Variants in ZFHX3 observed in about 807,000 individuals in gnomAD.
The protein encoded by ZFHX3 is zinc finger homeobox 3, also known as zinc finger homeobox protein 3.
Under a neutral mutation model 279.1 loss-of-function variants are expected in ZFHX3, and 42 were observed. The observed-to-expected ratio is 0.15, with a 90% CI of 0.12 to 0.19. The LOEUF (loss-of-function observed/expected upper bound fraction) is 0.19, where lower values mean the gene tolerates loss of function less well. Ranked by LOEUF, ZFHX3 falls within the 10% of genes least tolerant of loss-of-function variation. ZFHX3 has a pLI of 1.00. For synonymous variants in ZFHX3, 2,293 were observed against 1,957.8 expected, an observed-to-expected ratio of 1.17 and a Z score of -4.52; for missense variants, 4,981 against 4,754.0, an observed-to-expected ratio of 1.05 and a Z score of -1.40.
intron 1 of ZFHX3, among the ~76,000 whole-genome samples, chr16:73,783,051 G>T (rs540732308): frequency 6.6e-6 from 1 of 152,204 alleles, no homozygotes; most frequent in East Asian, 1.9e-4. Flanking sequence ...AGAGAGGGGG[G>T]CACTGAAATG....
At chr16:73,061,757 A>G (rs1965687325), upstream of ZFHX3, 1 of 152,168 alleles carries the variant, frequency 6.6e-6, no homozygotes, top group Non-Finnish European at 1.5e-5. Flanking sequence ...TCCTCTTTGT[A>G]GATCTTGAAA....
intron 3 of ZFHX3, among the ~76,000 whole-genome samples, chr16:73,404,677 GC>G (rs1387568506): frequency 6.6e-6 from 1 of 152,028 alleles, no homozygotes; most frequent in Non-Finnish European, 1.5e-5. Flanking sequence ...ACAGAAAAAG[GC>G]AAGTACTATT....
intron 1 of ZFHX3, among the ~76,000 whole-genome samples, chr16:73,771,530 C>A (rs957999818): frequency 2.6e-5 from 4 of 152,144 alleles, no homozygotes; most frequent in African/African-American, 4.8e-5. Context: ...GGAGAAATAC[C>A]ATGCTGAGGT....
At chr16:73,085,464 T>G (rs533854885) in intron 8 of ZFHX3, among the ~76,000 whole-genome samples, 1 of 152,146 alleles carries the variant, frequency 6.6e-6, no homozygotes, top group African/African-American at 2.4e-5. Flanking sequence ...CAGGCTGGTC[T>G]TGAATTCCTG....
intron 5 of ZFHX3, among the ~76,000 whole-genome samples, chr16:73,189,438 C>T (rs988946953): frequency 6.6e-6 from 1 of 152,194 alleles, no homozygotes; most frequent in Admixed American, 6.5e-5. Flanking sequence ...AAATGTACTA[C>T]AGGGAACGAG....
At chr16:73,543,581 TGA>T (rs748613775) in intron 2 of ZFHX3, among the ~76,000 whole-genome samples, 4 of 152,192 alleles carry the variant, frequency 2.6e-5, no homozygotes, top group Non-Finnish European at 5.9e-5. Flanking sequence ...AGCTGGCTGA[TGA>T]GAAAGTCAAG....
upstream of ZFHX3, among the ~76,000 whole-genome samples, chr16:73,052,819 A>G (rs1965475117): frequency 6.6e-6 from 1 of 152,182 alleles, no homozygotes; most frequent in Admixed American, 6.5e-5. Context: ...TAACCATGAG[A>G]AGGCCATCTA....
At chr16:72,897,422 C>T (rs753488236) in intron 3 of ZFHX3, among the ~76,000 whole-genome samples, 11 of 152,008 alleles carry the variant, frequency 7.2e-5, no homozygotes, top group South Asian at 2.1e-4. Context: ...ACTGTGGGTG[C>T]GGCATCTACA....
At chr16:73,777,734 C>A (rs1959306050) in intron 1 of ZFHX3, among the ~76,000 whole-genome samples, 1 of 152,134 alleles carries the variant, frequency 6.6e-6, no homozygotes, top group East Asian at 1.9e-4. Flanking sequence ...CTCATCTAAT[C>A]CTCACACTTG....
Position 73,260,695 on chromosome 16 carries a change from T to G in ZFHX3, c.-1193-3559A>C, listed in dbSNP as rs1423385886. Reference sequence around the variant, plus strand: ...CACCTATCTGGTTTTTTTTTTTTTTTTTTTTTTTTTTTGAGATGGAGCTTT... The same window carrying G: ...CACCTATCTGGTTTTTTTTTTTTTTGTTTTTTTTTTTTGAGATGGAGCTTT... On this transcript the variant is annotated intron_variant, in intron 4 of 17. Transcript: ENST00000641206. Among the ~76,000 whole-genome samples, 81 of 140,816 alleles carry G rather than the reference T, an allele frequency of 5.8e-4. 1 individual carries two copies. Among genetic ancestry groups the G allele is most frequent in the Admixed American group, 1.4e-3 (20 of 14,338 alleles). The allele number at this position is 140,816 out of a possible 152,430, so 92.4% of individuals were successfully genotyped here. A position where few individuals can be genotyped will look rare whatever the true frequency, so the allele number is the denominator to read the frequency against.
At chr16:73,466,936 T>C (rs1432528179) in intron 2 of ZFHX3, among the ~76,000 whole-genome samples, 1 of 151,534 alleles carries the variant, frequency 6.6e-6, no homozygotes. Flanking sequence ...GCATGAGCTT[T>C]GAGCAAAGAG....
chr16:73,337,792 A>G (rs1003067692), intron 3 of ZFHX3, among the ~76,000 whole-genome samples: 3 of 149,606 alleles, frequency 2.0e-5, no homozygotes, highest in African/African-American at 7.4e-5. Flanking sequence ...ATCACTTCTA[A>G]AATGCTCTTT....
intron 2 of ZFHX3, among the ~76,000 whole-genome samples, chr16:73,530,879 G>A (rs751783639): frequency 3.6e-4 from 55 of 152,300 alleles, no homozygotes; most frequent in Admixed American, 1.5e-3. Context: ...AGGTGTGGAC[G>A]TGAATTGAAT....
At chr16:73,005,819 T>C (rs1963685307) in intron 1 of ZFHX3, 1 of 152,172 alleles carries the variant, frequency 6.6e-6, no homozygotes, top group Admixed American at 6.5e-5. Flanking sequence ...AGCATAATGC[T>C]TGGCACTTAG....
chr16:73,288,320 T>G (rs915188636), intron 4 of ZFHX3, among the ~76,000 whole-genome samples: 2 of 152,094 alleles, frequency 1.3e-5, no homozygotes, highest in Admixed American at 1.3e-4. Context: ...AGACAGAAGC[T>G]GGACATCCCT....
rs374631279 is a variant in ZFHX3 at position 73,441,968 on chromosome 16, A to T, written c.-1291+14035T>A. On this transcript the variant is annotated intron_variant, in intron 3 of 17. Coordinates refer to the ZFHX3 transcript ENST00000641206. ...GAATGCGACATCGTGTGCGGATGAG[A>T]ATTTTCTCAACAGTTAGTGTCTTGG... is the stretch of plus-strand genomic sequence containing the variant. 1.4e-4 allele frequency among the ~76,000 whole-genome samples: 21 copies of T among 152,262 alleles called. 1 individual carries two copies. In the South Asian group the frequency reaches 4.3e-3, roughly 32 times the overall value.
At chr16:73,496,350 G>A (rs1403293115) in intron 2 of ZFHX3, among the ~76,000 whole-genome samples, 1 of 152,176 alleles carries the variant, frequency 6.6e-6, no homozygotes, top group Non-Finnish European at 1.5e-5. Context: ...GGCCAATATG[G>A]TGAAACCCCA....
Position 72,958,770 on chromosome 16 carries a change from G to A in ZFHX3, c.1376C>T (p.Ala459Val). ...CTCTTCCTCCTCCGCCTCCTCTTCG[G>A]CTGGCTCTACCTTCTCAGAGAAGCA... ...GDCFSEKVEPAEEEAEEEEEE... is the reference protein window; with the variant it reads ...GDCFSEKVEPVEEEAEEEEEE... The change falls in exon 2 of 10, where the codon GCC becomes GTC. Residue 459 changes from alanine to valine, a missense_variant. Coordinates refer to ENST00000268489, the MANE Select transcript of ZFHX3 (RefSeq NM_006885.4). The A allele has an allele frequency of 6.2e-7, 1 of 1,613,614 alleles. No individual in the cohort carries two copies. Among genetic ancestry groups the A allele is most frequent in the Non-Finnish European group, 8.5e-7 (1 of 1,179,948 alleles).
intron 7 of ZFHX3, among the ~76,000 whole-genome samples, chr16:72,801,847 A>G (rs978501560): frequency 2.0e-5 from 3 of 151,854 alleles, no homozygotes; most frequent in African/African-American, 7.3e-5. Flanking sequence ...CGAGAAGTGA[A>G]AGGTCACCGA....
Sources: gnomAD v4.1 joint callset for allele counts (sites outside exome capture counted in the v4.1 genomes callset) on GRCh38, gnomAD v4.1.1 for gene constraint, MANE v1.5 for transcripts, NCBI Gene and HGNC (gene_info 2026-07-23, HGNC 2026-07-21) for gene names.